USP4: variants seen among roughly 807,000 people sequenced by gnomAD.
USP4 encodes the protein ubiquitin carboxyl-terminal hydrolase 4.
In USP4, 72 loss-of-function variants were observed where a neutral mutation model predicts 118.2. The ratio of observed to expected loss-of-function variants is 0.61; its 90% CI spans 0.50 to 0.74. USP4 has a LOEUF of 0.74. Ranked by LOEUF, USP4 falls within the 30% of genes least tolerant of loss-of-function variation. USP4 has a pLI of 0.00. For missense variants in USP4, 1,037 were observed against 1,185.7 expected (o/e 0.87, Z 1.84); for synonymous variants, 415 against 440.4 (o/e 0.94, Z 0.72).
rs918008279 is a variant in USP4 at position 49,294,682 on chromosome 3, G to A, written c.1692-84C>T. The A allele has an allele frequency of 4.9e-5, 66 of 1,348,614 alleles. No individual in the cohort carries two copies. In the African/African-American group the frequency reaches 8.7e-4, roughly 18 times the overall value. 83.5% of individuals were successfully genotyped at this position (1,348,614 alleles called of 1,614,324 possible). A position where few individuals can be genotyped will look rare whatever the true frequency, so the allele number is the denominator to read the frequency against. ...CTGAGCTGAAGCTATGTGGTGGCCA[G>A]GGCTATGATTACTGGGACAGAGCAT... On this transcript the variant is annotated intron_variant, in intron 13 of 21. Transcript: ENST00000265560.
At position 49,327,800 on chromosome 3, in the gene USP4, G is replaced by A. The variant is rs769356231; in HGVS notation, c.246C>T (p.Thr82=). ...SGLFSDPESQ[T]LKEHLIDELD... ...ATTCATCAATTAAGTGTTCTTTCAA[G>A]GTCTGACTCTCAGGATCTAAAAAAG... is the stretch of plus-strand genomic sequence containing the variant. The change falls in exon 3 of 22, where the codon ACC becomes ACT. Residue 82 remains threonine (T), a synonymous_variant. Transcript: ENST00000265560. 1.9e-6 allele frequency: 3 copies of A among 1,613,552 alleles called. No homozygotes were observed. Among genetic ancestry groups the A allele is most frequent in the African/African-American group, 2.7e-5 (2 of 74,866 alleles).
At chr3:49,318,447 G>A (rs2047463899) in intron 6 of USP4, 1 of 985,468 alleles carries the variant, frequency 1.0e-6, no homozygotes. Flanking sequence ...TCAGGCAAGT[G>A]ACGTTAAAGG....
chr3:49,279,007 C>A, intron 20 of USP4, 105 bp from the exon 21 acceptor site: 1 of 649,580 alleles, frequency 1.5e-6, no homozygotes, highest in Non-Finnish European at 2.5e-6. Flanking sequence ...AAACAAAACC[C>A]CTGAAATTAA....
In USP4 at chr3:49,298,459, C is replaced by T. The variant is rs2047231297; in HGVS notation, c.1596+93G>A. Reference sequence around the variant, plus strand: ...ATCACATTTGTGCTGGCAATAACAACAACCCCAAAAAGTGGCTTCAAGGTT... The same window carrying T: ...ATCACATTTGTGCTGGCAATAACAATAACCCCAAAAAGTGGCTTCAAGGTT... On this transcript the variant is annotated intron_variant, in intron 12 of 21. Coordinates refer to ENST00000265560, the MANE Select transcript of USP4 (RefSeq NM_003363.4). 32 of 1,223,118 alleles carry T rather than the reference C, an allele frequency of 2.6e-5. 3 individuals carry two copies. In the South Asian group the frequency reaches 3.7e-4, roughly 14 times the overall value. 75.8% of individuals were successfully genotyped at this position (1,223,118 alleles called of 1,614,324 possible). A position where few individuals can be genotyped will look rare whatever the true frequency, so the allele number is the denominator to read the frequency against.
intron 2 of USP4, among the ~76,000 whole-genome samples, 177 bp from the exon 3 acceptor site, chr3:49,327,993 T>C (rs1284180934): frequency 6.6e-6 from 1 of 152,216 alleles, no homozygotes; most frequent in Non-Finnish European, 1.5e-5. Flanking sequence ...TTATCCATGT[T>C]TTCTCTTTAT....
chr3:49,301,994 C>T (rs1309556660), intron 10 of USP4, among the ~76,000 whole-genome samples: 1 of 151,858 alleles, frequency 6.6e-6, no homozygotes, highest in Non-Finnish European at 1.5e-5. Flanking sequence ...GTTCTTAGTC[C>T]CTAGTTCACC....
At position 49,295,714 on chromosome 3, in the gene USP4, G is replaced by A. The variant is rs11719315; in HGVS notation, c.1692-1116C>T. Among the ~76,000 whole-genome samples, 807 of 148,392 alleles carry A rather than the reference G, an allele frequency of 5.4e-3. 2 individuals carry two copies. Among genetic ancestry groups the A allele is most frequent in the South Asian group, 0.015 (71 of 4,808 alleles). On this transcript the variant is annotated intron_variant, in intron 13 of 21. Coordinates refer to ENST00000265560, the MANE Select transcript of USP4 (RefSeq NM_003363.4). ...CATATGCACGTGTGCGCGCGCGCGCGCACACACACACACACACACACCCCC... is the reference window on the plus strand; with the variant it reads ...CATATGCACGTGTGCGCGCGCGCGCACACACACACACACACACACACCCCC...
At chr3:49,306,985 T>G (rs2047325370) in intron 8 of USP4, among the ~76,000 whole-genome samples, 1 of 151,970 alleles carries the variant, frequency 6.6e-6, no homozygotes, top group South Asian at 2.1e-4. Flanking sequence ...GGTTTCTCCA[T>G]GTTGGTCAGC....
At chr3:49,285,065 G>A in intron 16 of USP4, 146 bp from the exon 17 acceptor site, 1 of 646,476 alleles carries the variant, frequency 1.5e-6, no homozygotes, top group Non-Finnish European at 2.7e-6. Context: ...GCAATGCTCT[G>A]CAATGGGCCA....
At chr3:49,295,699 T>TGC (rs2047198080) in intron 13 of USP4, among the ~76,000 whole-genome samples, 1 of 139,558 alleles carries the variant, frequency 7.2e-6, no homozygotes, top group Non-Finnish European at 1.5e-5. Context: ...CATATGCACG[T>TGC]GTGCGCGCGC....
chr3:49,286,108 A>C lies in USP4; in HGVS notation c.2190T>G (p.Leu730=), dbSNP rs1426021932. The C allele has an allele frequency of 1.9e-6, 3 of 1,614,208 alleles. No homozygotes were observed. In the East Asian group the frequency reaches 6.7e-5, roughly 36 times the overall value. The part of the protein sequence containing the change: ...INSLAADGKL[L]KLNSRSTLAM... ...AGAAAAAGTGCTTACAGTTGAGTTT[A>C]AGTAGTTTTCCATCAGCTGCAAGTG... Residue 730 remains leucine, a synonymous_variant, in exon 16 of 22, where the codon CTT becomes CTG. Coordinates refer to ENST00000265560, the MANE Select transcript of USP4 (RefSeq NM_003363.4).
At chr3:49,278,951 C>T in intron 20 of USP4, 49 bp from the exon 21 acceptor site, 1 of 1,344,224 alleles carries the variant, frequency 7.4e-7, no homozygotes, top group South Asian at 1.3e-5. Context: ...GAGAATTAAT[C>T]TGGCTAGCTT....
chr3:49,311,834 ACTGGT>A (rs1559473843), intron 6 of USP4, 180 bp from the exon 7 acceptor site: 17 of 1,302,720 alleles, frequency 1.3e-5, no homozygotes, highest in Non-Finnish European at 1.7e-5. Flanking sequence ...CCACAAATTA[ACTGGT>A]CTTCCTGTCA....
chr3:49,282,316 C>T (rs2107764165), intron 19 of USP4, among the ~76,000 whole-genome samples: 1 of 151,996 alleles, frequency 6.6e-6, no homozygotes, highest in East Asian at 1.9e-4. Context: ...GCTGTGTCGT[C>T]CGGGCTGGAG....
rs139572044 is a variant in USP4, at chr3:49,303,665, G to C, written c.1129-1123C>G. Among the ~76,000 whole-genome samples the C allele has an allele frequency of 3.9e-3, 593 of 152,204 alleles. 6 individuals carry two copies. Among genetic ancestry groups the C allele is most frequent in the African/African-American group, 0.014 (569 of 41,538 alleles). ...GATATATAACACATCCATCACTGAG[G>C]AAGCTCCACACTTCCCTAATACCCC... On this transcript the variant is annotated intron_variant, in intron 9 of 21. Transcript: ENST00000265560.
At chr3:49,290,869 T>C (rs2047144248) in intron 15 of USP4, among the ~76,000 whole-genome samples, 1 of 151,848 alleles carries the variant, frequency 6.6e-6, no homozygotes, top group Non-Finnish European at 1.5e-5. Context: ...ATCCCAGCAC[T>C]TCACGAGGGC....
intron 14 of USP4, 78 bp from the exon 15 acceptor site, chr3:49,292,676 G>C: frequency 1.0e-6 from 1 of 983,296 alleles, no homozygotes; most frequent in Non-Finnish European, 1.5e-6. Flanking sequence ...ATGCGGCTAA[G>C]AAGTAGTTCA....
chr3:49,300,374 CAG>C, intron 11 of USP4, 91 bp downstream of exon 11: 1 of 1,192,436 alleles, frequency 8.4e-7, no homozygotes, highest in Admixed American at 1.9e-5. Flanking sequence ...CAAGGGGACT[CAG>C]AGGCAGCCAA....
chr3:49,315,119 C>G (rs965520736), intron 6 of USP4, among the ~76,000 whole-genome samples: 1 of 151,586 alleles, frequency 6.6e-6, no homozygotes, highest in African/African-American at 2.4e-5. Flanking sequence ...AAAAAAAACT[C>G]TATCCTTAGG....
Sources: allele counts gnomAD v4.1 joint callset (sites outside exome capture counted in the v4.1 genomes callset), GRCh38; gene constraint gnomAD v4.1.1; transcripts MANE v1.5; gene names NCBI Gene and HGNC (gene_info 2026-07-23, HGNC 2026-07-21).